The following ZNRF1 variants were observed in gnomAD, a reference collection of about 807,000 sequenced individuals.
ZNRF1 encodes the protein E3 ubiquitin-protein ligase ZNRF1.
In ZNRF1, 3 loss-of-function variants were observed where a neutral mutation model predicts 18.4. That is an observed-to-expected ratio of 0.16 (90% confidence interval 0.07 to 0.42). The LOEUF is 0.42. Ranked by LOEUF, ZNRF1 falls within the 10% of genes least tolerant of loss-of-function variation. ZNRF1 has a pLI of 0.99. For synonymous variants in ZNRF1, 157 were observed against 144.2 expected, an observed-to-expected ratio of 1.09 and a Z score of -0.64; for missense variants, 310 against 329.8, an observed-to-expected ratio of 0.94 and a Z score of 0.47.
intron 1 of ZNRF1, among the ~76,000 whole-genome samples, chr16:75,020,339 G>A (rs1289230368): frequency 6.6e-6 from 1 of 151,868 alleles, no homozygotes; most frequent in Non-Finnish European, 1.5e-5. Flanking sequence ...TTTTTTTCCA[G>A]CCTATTTTGA....
intron 1 of ZNRF1, among the ~76,000 whole-genome samples, chr16:75,005,350 G>A (rs2034904221): frequency 1.3e-5 from 2 of 152,164 alleles, no homozygotes; most frequent in South Asian, 4.1e-4. Context: ...AAGAAACAGT[G>A]GCTTAGCTCT....
At chr16:75,023,483 A>T (rs1464379639) in intron 1 of ZNRF1, among the ~76,000 whole-genome samples, 1 of 152,202 alleles carries the variant, frequency 6.6e-6, no homozygotes, top group Admixed American at 6.5e-5. Flanking sequence ...CAGGAGTTGG[A>T]GACCAGCCTG....
chr16:75,074,529 A>G (rs112116149), intron 1 of ZNRF1, among the ~76,000 whole-genome samples: 4 of 152,352 alleles, frequency 2.6e-5, no homozygotes, highest in African/African-American at 9.6e-5. Flanking sequence ...GAGTTGGGAT[A>G]AAGATCAGAT....
chr16:75,066,278 T>C (rs997755986), intron 1 of ZNRF1, among the ~76,000 whole-genome samples: 2 of 152,152 alleles, frequency 1.3e-5, no homozygotes, highest in Admixed American at 6.5e-5. Flanking sequence ...AGGACATATA[T>C]CACAAATACT....
intron 1 of ZNRF1, among the ~76,000 whole-genome samples, chr16:75,061,744 A>T (rs934983541): frequency 6.6e-6 from 1 of 152,150 alleles, no homozygotes; most frequent in South Asian, 2.1e-4. Context: ...GGACTTCTCA[A>T]TTGATCCCTA....
At chr16:75,029,094 A>T (rs1426209089) in intron 1 of ZNRF1, among the ~76,000 whole-genome samples, 9 of 129,038 alleles carry the variant, frequency 7.0e-5, no homozygotes, top group Non-Finnish European at 8.3e-5. Flanking sequence ...TTTTTTTGCT[A>T]CAACTCCAGC....
chr16:75,107,246 C>T (rs1196625971), intron 4 of ZNRF1: 2 of 184,920 alleles, frequency 1.1e-5, no homozygotes, highest in Admixed American at 1.1e-4. Flanking sequence ...ACCCCTGACC[C>T]CCATCTCACC....
chr16:75,098,716 C>T (rs1038911953), intron 2 of ZNRF1, among the ~76,000 whole-genome samples: 1 of 152,228 alleles, frequency 6.6e-6, no homozygotes, highest in African/African-American at 2.4e-5. Context: ...TCCCCTCTGA[C>T]TCCCACCTTC....
At chr16:75,039,394 A>G (rs528963357) in intron 1 of ZNRF1, among the ~76,000 whole-genome samples, 1 of 152,306 alleles carries the variant, frequency 6.6e-6, no homozygotes, top group South Asian at 2.1e-4. Context: ...CTTTAGAACC[A>G]CTTAAAATAC....
intron 1 of ZNRF1, among the ~76,000 whole-genome samples, chr16:75,047,702 C>T (rs188586688): frequency 5.3e-5 from 8 of 152,234 alleles, no homozygotes; most frequent in Admixed American, 5.2e-4. Context: ...CATATCACAG[C>T]TGTTTCCTCC....
intron 4 of ZNRF1, 134 bp from the exon 5 acceptor site, chr16:75,107,599 C>T (rs987937581): frequency 2.9e-5 from 12 of 414,286 alleles, no homozygotes; most frequent in Admixed American, 1.3e-4. Flanking sequence ...GCAAATTCCC[C>T]GTGTGCTGTT....
intron 1 of ZNRF1, among the ~76,000 whole-genome samples, chr16:75,087,381 C>G (rs1016182513): frequency 1.3e-5 from 2 of 152,220 alleles, no homozygotes; most frequent in Non-Finnish European, 2.9e-5. Context: ...GAGCTCTGCT[C>G]TCTGGTACAG....
At chr16:75,094,611 T>C (rs901872349) in intron 2 of ZNRF1, among the ~76,000 whole-genome samples, 5 of 151,996 alleles carry the variant, frequency 3.3e-5, no homozygotes, top group African/African-American at 1.2e-4. Flanking sequence ...TAAAGGCCTT[T>C]GGTACAGAGC....
rs555221429 is a variant in ZNRF1 at position 75,013,938 on chromosome 16, T to C, written c.424+13843T>C. On this transcript the variant is annotated intron_variant, in intron 1 of 4. Transcript: ENST00000335325. Reference sequence around the variant, plus strand: ...TCTGCCTCCCAGGTTCAAGTAATTCTCCTGCCTCAGCCTCCCGAGTAGTTG... The same window carrying C: ...TCTGCCTCCCAGGTTCAAGTAATTCCCCTGCCTCAGCCTCCCGAGTAGTTG... Among the ~76,000 whole-genome samples the C allele has an allele frequency of 8.1e-4, 123 of 152,238 alleles. 1 individual carries two copies. Among genetic ancestry groups the C allele is most frequent in the Non-Finnish European group, 1.3e-3 (89 of 67,998 alleles).
chr16:75,037,727 T>C (rs79728756), intron 1 of ZNRF1, among the ~76,000 whole-genome samples: 6,315 of 152,130 alleles, frequency 0.042, 447 homozygotes, highest in African/African-American at 0.14. Flanking sequence ...TTGTAAAAAA[T>C]GGTTTCTGGA....
At chr16:75,074,309 G>A (rs972393514) in intron 1 of ZNRF1, among the ~76,000 whole-genome samples, 6 of 152,272 alleles carry the variant, frequency 3.9e-5, no homozygotes, top group Middle Eastern at 3.4e-3. Flanking sequence ...CATGCCACCC[G>A]GTGAGGCTCC....
At chr16:75,026,285 C>A (rs1346924403) in intron 1 of ZNRF1, among the ~76,000 whole-genome samples, 1 of 151,814 alleles carries the variant, frequency 6.6e-6, no homozygotes, top group Non-Finnish European at 1.5e-5. Flanking sequence ...GTTGCTGTTA[C>A]ATGTGACTGA....
intron 1 of ZNRF1, among the ~76,000 whole-genome samples, chr16:75,014,248 T>C (rs2035037710): frequency 1.3e-5 from 2 of 152,206 alleles, no homozygotes; most frequent in South Asian, 4.1e-4. Context: ...TACCCTGGCT[T>C]ATTCCCATTT....
intron 1 of ZNRF1, among the ~76,000 whole-genome samples, chr16:75,048,846 G>A (rs1567477981): frequency 6.6e-6 from 1 of 151,996 alleles, no homozygotes. Context: ...ACCTTTGACC[G>A]GTGGTTTTTA....
Sources: gnomAD v4.1 joint callset for allele counts (sites outside exome capture counted in the v4.1 genomes callset) on GRCh38, gnomAD v4.1.1 for gene constraint, MANE v1.5 for transcripts, NCBI Gene and HGNC (gene_info 2026-07-23, HGNC 2026-07-21) for gene names.